The following CAMSAP1 variants were observed in gnomAD, a reference collection of about 807,000 sequenced individuals.
The protein encoded by CAMSAP1 is calmodulin-regulated spectrin-associated protein 1.
Under a neutral mutation model 143.5 loss-of-function variants are expected in CAMSAP1, and 58 were observed. The ratio of observed to expected loss-of-function variants is 0.40; its 90% confidence interval spans 0.33 to 0.50. The LOEUF (loss-of-function observed/expected upper bound fraction) is 0.50. Ranked by LOEUF, CAMSAP1 falls within the 20% of genes least tolerant of loss-of-function variation. The pLI is 0.45. For missense variants in CAMSAP1, 1,969 were observed against 2,115.7 expected (o/e 0.93, Z 1.36); for synonymous variants, 945 against 859.3 (o/e 1.10, Z -1.74).
rs551863765 is a variant in CAMSAP1 at position 135,820,373 on chromosome 9, A to C, written c.3822+466T>G. On this transcript the variant is annotated intron_variant, in intron 11 of 16. Coordinates refer to ENST00000389532, the MANE Select transcript of CAMSAP1 (RefSeq NM_015447.4). The surrounding 1 kb of genome is among the most constrained non-coding windows in gnomAD (Gnocchi z 4.4). ...TTTACGCTTCCCTTCATATCTAAGGAAAAAATTACAAGAAAAACATACAAA... is the reference window on the plus strand; with the variant it reads ...TTTACGCTTCCCTTCATATCTAAGGCAAAAATTACAAGAAAAACATACAAA... 2.0e-3 allele frequency among the ~76,000 whole-genome samples: 311 copies of C among 152,276 alleles called. 1 individual carries two copies. The highest frequency in any genetic ancestry group is 3.3e-3 in the Non-Finnish European group (226 of 68,018).
chr9:135,847,641 T>C (rs1381702352), intron 7 of CAMSAP1, among the ~76,000 whole-genome samples: 1 of 148,676 alleles, frequency 6.7e-6, no homozygotes, highest in East Asian at 2.1e-4. Flanking sequence ...TACTCATAAG[T>C]GGGAGTTGAA....
chr9:135,822,971 G>T lies in CAMSAP1; in HGVS notation c.1690C>A (p.Pro564Thr). Residue 564 changes from proline to threonine, a missense_variant, in exon 11 of 17, where the codon CCC becomes ACC. Pro to Thr is a conservative substitution (Grantham distance 38). Coordinates refer to ENST00000389532, the MANE Select transcript of CAMSAP1 (RefSeq NM_015447.4). The surrounding 1 kb of genome is among the most constrained non-coding windows in gnomAD (Gnocchi z 6.1). ...TTTGCTGTAAGGCCTAAGGCCCGGGGTGAGGCCCTGGGGAACTCCGGGTCA... is the reference window on the plus strand; with the variant it reads ...TTTGCTGTAAGGCCTAAGGCCCGGGTTGAGGCCCTGGGGAACTCCGGGTCA... ...QADPEFPRASPRALGLTANAR... is the reference protein window; with the variant it reads ...QADPEFPRASTRALGLTANAR... 6 of 1,614,010 alleles carry T rather than the reference G, an allele frequency of 3.7e-6. No individual in the cohort carries two copies. The highest frequency in any genetic ancestry group is 5.1e-6 in the Non-Finnish European group (6 of 1,179,892).
Position 135,850,409 on chromosome 9 carries a change from C to T in CAMSAP1, c.861G>A (p.Arg287=), listed in dbSNP as rs1836733134. 2 of 1,611,442 alleles carry T rather than the reference C, an allele frequency of 1.2e-6. No homozygotes were observed. The highest frequency in any genetic ancestry group is 1.3e-5 in the African/African-American group (1 of 74,880). ...ATTCATTGGAGAATTCTCTCAGAAG[C>T]CGAATATTATACAGACTGTCGGCCA... ...TSMADSLYNI[R]LLREFSNEYL... The change falls in exon 6 of 17, where the codon CGG becomes CGA. Residue 287 remains arginine, a synonymous_variant. Coordinates refer to ENST00000389532, the MANE Select transcript of CAMSAP1 (RefSeq NM_015447.4).
chr9:135,876,453 A>G (rs932175032), intron 3 of CAMSAP1, among the ~76,000 whole-genome samples: 3 of 152,244 alleles, frequency 2.0e-5, no homozygotes, highest in African/African-American at 7.2e-5. Flanking sequence ...AATGTAGACA[A>G]GCATCTTTAC....
At chr9:135,873,922 A>T (rs1244760014) in intron 3 of CAMSAP1, among the ~76,000 whole-genome samples, 1 of 152,202 alleles carries the variant, frequency 6.6e-6, no homozygotes, top group Non-Finnish European at 1.5e-5. Context: ...CATGAGAAAA[A>T]AAACTAGAGA....
At chr9:135,887,986 C>A (rs1465835809) in intron 1 of CAMSAP1, among the ~76,000 whole-genome samples, 2 of 152,190 alleles carry the variant, frequency 1.3e-5, no homozygotes, top group East Asian at 3.9e-4. Context: ...AAGACTCTAA[C>A]CAGTCTGCAG....
rs1437113932 is a variant in CAMSAP1, at chr9:135,826,717, G to A, written c.1223+690C>T. Reference sequence around the variant, plus strand: ...ATGTTAAAAATGTTTCTCCACTTTCGGTGTGCTAACTGGCTCCAGGCTGGC... The same window carrying A: ...ATGTTAAAAATGTTTCTCCACTTTCAGTGTGCTAACTGGCTCCAGGCTGGC... On this transcript the variant is annotated intron_variant, in intron 8 of 16. Transcript: ENST00000389532. The surrounding 1 kb of genome is among the most constrained non-coding windows in gnomAD (Gnocchi z 4.4). Among the ~76,000 whole-genome samples, 2 of 151,956 alleles carry A rather than the reference G, an allele frequency of 1.3e-5. No homozygotes were observed. Among genetic ancestry groups the A allele is most frequent in the Admixed American group, 1.3e-4 (2 of 15,260 alleles).
intron 1 of CAMSAP1, among the ~76,000 whole-genome samples, chr9:135,904,659 CCT>C (rs2131037183): frequency 6.6e-6 from 1 of 152,058 alleles, no homozygotes; most frequent in South Asian, 2.1e-4. Flanking sequence ...ATGTAAAAGC[CCT>C]CTCTCGGCAA....
chr9:135,846,573 A>G (rs1836559613), intron 7 of CAMSAP1, among the ~76,000 whole-genome samples: 1 of 152,020 alleles, frequency 6.6e-6, no homozygotes, highest in African/African-American at 2.4e-5. Context: ...AAAAGAAACT[A>G]TCATCAGAGT....
chr9:135,824,023 G>A lies in CAMSAP1; in HGVS notation c.1327C>T (p.Arg443Ter). Residue 443 changes from arginine to a stop codon, truncating the protein, a stop_gained, in exon 10 of 17, where the codon CGA (arginine) becomes TGA (stop). Coordinates refer to ENST00000389532, the MANE Select transcript of CAMSAP1 (RefSeq NM_015447.4). LOFTEE classifies it high-confidence loss of function. This position sits in a 1 kb window ranked among gnomAD's most constrained non-coding sequence, Gnocchi z 4.1. ...QGEDIPDQRH[R>*]SNSLTRVDGQ... Reference sequence around the variant, plus strand: ...TCAACTCGGGTCAAAGAATTCGATCGATGTCGCTGATCTGCAGTACAGAGG... The same window carrying A: ...TCAACTCGGGTCAAAGAATTCGATCAATGTCGCTGATCTGCAGTACAGAGG... The A allele has an allele frequency of 3.2e-6, 5 of 1,582,366 alleles. No individual in the cohort carries two copies. Among genetic ancestry groups the A allele is most frequent in the Non-Finnish European group, 4.3e-6 (5 of 1,163,468 alleles).
intron 7 of CAMSAP1, among the ~76,000 whole-genome samples, chr9:135,837,754 C>A (rs958092124): frequency 6.7e-6 from 1 of 149,312 alleles, no homozygotes; most frequent in African/African-American, 2.5e-5. Flanking sequence ...ACCCCTTCTA[C>A]AGATACACAT....
At chr9:135,816,317 G>A (rs1212757827) in intron 14 of CAMSAP1, among the ~76,000 whole-genome samples, 1 of 152,200 alleles carries the variant, frequency 6.6e-6, no homozygotes, top group Admixed American at 6.5e-5. Context: ...CACAGGCACA[G>A]CACAGGGCAC....
chr9:135,904,978 A>G (rs895779823), intron 1 of CAMSAP1, among the ~76,000 whole-genome samples: 1 of 152,140 alleles, frequency 6.6e-6, no homozygotes, highest in African/African-American at 2.4e-5. Flanking sequence ...AAAAAAAAAA[A>G]AAGTGGAAAC....
At chr9:135,842,008 T>G (rs1836369539) in intron 7 of CAMSAP1, among the ~76,000 whole-genome samples, 1 of 152,188 alleles carries the variant, frequency 6.6e-6, no homozygotes, top group Non-Finnish European at 1.5e-5. Context: ...TTTGACAAAC[T>G]GACAGAAGTA....
At chr9:135,837,677 T>G (rs1836131421) in intron 7 of CAMSAP1, among the ~76,000 whole-genome samples, 1 of 150,580 alleles carries the variant, frequency 6.6e-6, no homozygotes. Context: ...ATCACGCACT[T>G]TCTACCCATT....
chr9:135,828,110 TCA>T (rs1835739509), intron 7 of CAMSAP1, among the ~76,000 whole-genome samples: 1 of 152,078 alleles, frequency 6.6e-6, no homozygotes, highest in Admixed American at 6.5e-5. Context: ...CCCCTGGGGG[TCA>T]GGTGAGGTGC....
chr9:135,905,081 C>T (rs1838735859), intron 1 of CAMSAP1, among the ~76,000 whole-genome samples: 2 of 152,174 alleles, frequency 1.3e-5, no homozygotes, highest in Admixed American at 1.3e-4. Context: ...GGTGTCCAGT[C>T]TTCTCCAGCT....
rs1347576608 is a variant in CAMSAP1, at chr9:135,819,037, T to C, written c.3932A>G (p.Glu1311Gly). 23 of 1,606,666 alleles carry C rather than the reference T, an allele frequency of 1.4e-5. No individual in the cohort carries two copies. The highest frequency in any genetic ancestry group is 1.9e-5 in the Non-Finnish European group (22 of 1,178,646). The change falls in exon 12 of 17, where the codon GAG (glutamate) becomes GGG (glycine). Residue 1311 changes from glutamate (E) to glycine (G), a missense_variant. Physicochemically the swap from Glu to Gly is moderately conservative, Grantham distance 98 (BLOSUM62 -2). Transcript: ENST00000389532. ...ARVRKQQLEA[E>G]VELKRDEARR... The stretch of plus-strand genomic sequence containing the variant: ...GGCTTCGTCACGCTTGAGCTCCACC[T>C]CCGCTTCCAGCTGCTGCTTGCGCAC...
chr9:135,815,234 G>A lies in CAMSAP1; in HGVS notation c.4388-19C>T, dbSNP rs530650471. ...TTGGGACCTAAGAAACGAGGCCAGG[G>A]TTGGTAAAATTATTATTTTAAGGCA... On this transcript the variant is annotated intron_variant, in intron 15 of 16. Coordinates refer to ENST00000389532, the MANE Select transcript of CAMSAP1 (RefSeq NM_015447.4). The A allele has an allele frequency of 6.5e-7, 1 of 1,545,480 alleles. No homozygotes were observed. Among genetic ancestry groups the A allele is most frequent in the African/African-American group, 1.4e-5 (1 of 72,700 alleles).
Sources: gnomAD v4.1 joint callset for allele counts (sites outside exome capture counted in the v4.1 genomes callset) on GRCh38, gnomAD v4.1.1 for gene constraint, Gnocchi (gnomAD v3.1) non-coding constraint, MANE v1.5 for transcripts, NCBI Gene and HGNC (gene_info 2026-07-23, HGNC 2026-07-21) for gene names.